CD1B: variants seen among roughly 807,000 people sequenced by gnomAD.
The protein encoded by CD1B is T-cell surface glycoprotein CD1b.
In CD1B, 43 loss-of-function variants were observed where a neutral mutation model predicts 39.8. The observed-to-expected ratio is 1.08, with a 90% CI of 0.85 to 1.39. The LOEUF (loss-of-function observed/expected upper bound fraction) is 1.39, where lower values mean the gene tolerates loss of function less well. Ranked by LOEUF, CD1B falls within the 40% of genes most tolerant of loss-of-function variation. The probability of loss-of-function intolerance (pLI) is 0.00; values close to 1 mark genes in which losing one functional copy is unlikely to be tolerated. For missense variants in CD1B, 495 were observed against 403.8 expected, an observed-to-expected ratio of 1.23 and a Z score of -1.94; for synonymous variants, 192 against 152.5, an observed-to-expected ratio of 1.26 and a Z score of -1.91.
the CD1B span, among the ~76,000 whole-genome samples, chr1:158,296,173 C>A: frequency 8.6e-5 from 13 of 151,952 alleles, no homozygotes; most frequent in Non-Finnish European, 1.9e-4. Flanking sequence ...TTTCTGGGAC[C>A]CCCCCACCCT....
chr1:158,327,447 T>A (rs774768113), downstream of CD1B, among the ~76,000 whole-genome samples: 14 of 152,008 alleles, frequency 9.2e-5, no homozygotes, highest in Non-Finnish European at 1.9e-4. Context: ...AAGTGGAAAC[T>A]ATTTTAGCAA....
At position 158,329,417 on chromosome 1, in the gene CD1B, C is replaced by T. The variant is rs753768677; in HGVS notation, c.839G>A (p.Arg280Gln). ...ADGEAAGLSC[R>Q]VKHSSLEGQD... ...GCCCTCTAAACTGCTGTGCTTCACC[C>T]GACAGGACAGGCCAGCCGCCTCCCC... Residue 280 changes from arginine (R) to glutamine (Q), a missense_variant, in exon 4 of 6, where the codon CGG (arginine) becomes CAG (glutamine). Coordinates refer to ENST00000368168, the MANE Select transcript of CD1B (RefSeq NM_001764.3). The T allele has an allele frequency of 2.5e-5, 40 of 1,614,026 alleles. No individual in the cohort carries two copies. The highest frequency in any genetic ancestry group is 8.0e-5 in the African/African-American group (6 of 74,914).
At chr1:158,310,330 A>G in the CD1B span, among the ~76,000 whole-genome samples, 62 of 152,356 alleles carry the variant, frequency 4.1e-4, 1 homozygote, top group East Asian at 0.011. Context: ...AAGATGGATT[A>G]AAGACTTAAA....
chr1:158,322,764 C>T, the CD1B span, among the ~76,000 whole-genome samples: 2 of 152,064 alleles, frequency 1.3e-5, no homozygotes, highest in African/African-American at 4.8e-5. Context: ...GACATATTTG[C>T]CAGTTACTTT....
the CD1B span, among the ~76,000 whole-genome samples, chr1:158,308,400 T>A: frequency 1.3e-5 from 2 of 152,064 alleles, no homozygotes; most frequent in South Asian, 4.1e-4. Context: ...AAAATGGCCA[T>A]ACTGCCCAAG....
At chr1:158,307,703 G>A in the CD1B span, among the ~76,000 whole-genome samples, 319 of 152,238 alleles carry the variant, frequency 2.1e-3, 5 homozygotes, top group East Asian at 0.039. Context: ...CTGGCAAACC[G>A]AATTCAGCAG....
the CD1B span, among the ~76,000 whole-genome samples, chr1:158,301,996 G>A: frequency 7.3e-4 from 111 of 152,008 alleles, 4 homozygotes; most frequent in South Asian, 0.023. Context: ...CATCAATCAA[G>A]CTGGTAGTTG....
At chr1:158,315,906 A>G in the CD1B span, among the ~76,000 whole-genome samples, 2 of 152,066 alleles carry the variant, frequency 1.3e-5, no homozygotes, top group Non-Finnish European at 2.9e-5. Context: ...ACCATTTATT[A>G]AATGGGGAAT....
chr1:158,286,642 A>G, the CD1B span, among the ~76,000 whole-genome samples: 1 of 152,198 alleles, frequency 6.6e-6, no homozygotes, highest in Non-Finnish European at 1.5e-5. Context: ...GCAGGACTAC[A>G]TATCAGTCAG....
chr1:158,286,535 G>A, the CD1B span, among the ~76,000 whole-genome samples: 40 of 152,166 alleles, frequency 2.6e-4, no homozygotes, highest in Non-Finnish European at 7.3e-5. Flanking sequence ...GTTTTCCATG[G>A]CAGCTCTGGG....
At position 158,329,555 on chromosome 1, in the gene CD1B, A is replaced by G; in HGVS notation, c.701T>C (p.Val234Ala). The G allele has an allele frequency of 6.2e-7, 1 of 1,613,916 alleles. No homozygotes were observed. The highest frequency in any genetic ancestry group is 1.3e-5 in the African/African-American group (1 of 74,948). The change falls in exon 4 of 6, where the codon GTG becomes GCG. Residue 234 changes from valine to alanine, a missense_variant. Coordinates refer to ENST00000368168, the MANE Select transcript of CD1B (RefSeq NM_001764.3). ...CHVSGFYPKP[V>A]WVMWMRGEQE... Reference sequence around the variant, plus strand: ...CTCACCCCGCATCCACATCACCCACACGGGCTTTGGGTAGAATCCTGAGAC... The same window carrying G: ...CTCACCCCGCATCCACATCACCCACGCGGGCTTTGGGTAGAATCCTGAGAC...
the CD1B span, among the ~76,000 whole-genome samples, chr1:158,312,498 A>G: frequency 6.6e-6 from 1 of 152,144 alleles, no homozygotes; most frequent in Non-Finnish European, 1.5e-5. Context: ...AGTACAAAAT[A>G]CCTTTCCAAT....
chr1:158,290,133 C>T, the CD1B span: 34 of 1,612,928 alleles, frequency 2.1e-5, no homozygotes, highest in South Asian at 2.3e-4. Context: ...ACGGTAAGAA[C>T]ATCGCTGTCA....
At chr1:158,307,245 G>C in the CD1B span, among the ~76,000 whole-genome samples, 1 of 151,864 alleles carries the variant, frequency 6.6e-6, no homozygotes, top group African/African-American at 2.4e-5. Context: ...ATGATAAAGG[G>C]GATATCACCA....
downstream of CD1B, among the ~76,000 whole-genome samples, chr1:158,325,597 A>T (rs1266929642): frequency 1.3e-5 from 2 of 152,204 alleles, no homozygotes; most frequent in Admixed American, 6.5e-5. Flanking sequence ...ATTAGTTTTT[A>T]CTTCTAAGAT....
rs544224696 is a variant in CD1B at position 158,329,497 on chromosome 1, G to A, written c.759C>T (p.Ile253=). 99 of 1,614,128 alleles carry A rather than the reference G, an allele frequency of 6.1e-5. 2 individuals carry two copies. In the East Asian group the frequency reaches 9.6e-4, roughly 16 times the overall value. Residue 253 remains isoleucine (I), a synonymous_variant, in exon 4 of 6, where the codon ATC becomes ATT. Coordinates refer to ENST00000368168, the MANE Select transcript of CD1B (RefSeq NM_001764.3). ...QEQQGTQLGD[I]LPNANWTWYL... ...ACCATGTCCAGTTAGCATTGGGCAG[G>A]ATGTCCCCTAGCTGAGTGCCCTGCT...
chr1:158,293,239 C>G, the CD1B span: 1 of 1,613,988 alleles, frequency 6.2e-7, no homozygotes, highest in Non-Finnish European at 8.5e-7. Context: ...AATTGGATTG[C>G]CTTGGTAGTG....
At chr1:158,293,014 A>G in the CD1B span, 1 of 909,696 alleles carries the variant, frequency 1.1e-6, no homozygotes, top group East Asian at 2.6e-5. Context: ...GTGGAGTAAG[A>G]CCTAAGGGAT....
chr1:158,293,632 G>A, the CD1B span: 30 of 1,552,898 alleles, frequency 1.9e-5, no homozygotes, highest in African/African-American at 3.5e-4. Flanking sequence ...AATTTGGAAT[G>A]TTTTTCTTGG....
Sources: allele counts gnomAD v4.1 joint callset (sites outside exome capture counted in the v4.1 genomes callset), GRCh38; gene constraint gnomAD v4.1.1; transcripts MANE v1.5; gene names NCBI Gene and HGNC (gene_info 2026-07-23, HGNC 2026-07-21).